Variants in DCHS1 observed in about 807,000 individuals in gnomAD.
DCHS1 encodes the protein dachsous cadherin-related 1.
In DCHS1, 78 loss-of-function variants were observed where a neutral mutation model predicts 213.9. The observed-to-expected ratio is 0.36, with a 90% CI of 0.30 to 0.44. The LOEUF (loss-of-function observed/expected upper bound fraction) is 0.44. Among genes scored for constraint, DCHS1 ranks in the 20% least tolerant of loss-of-function variants. The pLI is 1.00. For synonymous variants in DCHS1, 1,828 were observed against 1,873.7 expected (o/e 0.98, Z 0.63); for missense variants, 3,946 against 4,395.9 (o/e 0.90, Z 2.89).
At position 6,641,314 on chromosome 11, in the gene DCHS1, G is replaced by A. The variant is rs139125506; in HGVS notation, c.300C>T (p.Val100=). The A allele has an allele frequency of 8.2e-5, 133 of 1,613,670 alleles. No individual in the cohort carries two copies. In the African/African-American group the frequency reaches 9.7e-4, roughly 12 times the overall value. The part of the protein sequence containing the change: ...TDLAIDEHSG[V]VRTARVLDRE... ...GGTCCAAGACACGGGCTGTACGGAC[G>A]ACCCCACTGTGTTCGTCAATGGCCA... Residue 100 remains valine, a synonymous_variant, in exon 2 of 21, where the codon GTC becomes GTT. Coordinates refer to ENST00000299441, the MANE Select transcript of DCHS1 (RefSeq NM_003737.4). The surrounding 1 kb of genome is among the most constrained non-coding windows in gnomAD (Gnocchi z 7.1).
chr11:6,638,686 C>A (rs1333952694), intron 2 of DCHS1, among the ~76,000 whole-genome samples: 1 of 152,196 alleles, frequency 6.6e-6, no homozygotes, highest in Non-Finnish European at 1.5e-5. Flanking sequence ...AGACTGTGAC[C>A]ACCCTGGGAA....
At chr11:6,638,079 A>T (rs1820656112) in intron 2 of DCHS1, among the ~76,000 whole-genome samples, 1 of 152,146 alleles carries the variant, frequency 6.6e-6, no homozygotes, top group Non-Finnish European at 1.5e-5. Flanking sequence ...GTCCTGGACA[A>T]GAAGGAGAGT....
intron 2 of DCHS1, among the ~76,000 whole-genome samples, chr11:6,636,937 C>G (rs1460474656): frequency 1.3e-5 from 2 of 152,206 alleles, no homozygotes; most frequent in Non-Finnish European, 2.9e-5. Context: ...ATCCGACCAG[C>G]CCAAAACTAA....
At position 6,625,742 on chromosome 11, in the gene DCHS1, C is replaced by T. The variant is rs1324794127; in HGVS notation, c.6732-15G>A. ...TCAGCACCAACCTGGACACAAAGCA[C>T]AATCATCGGGTGGGACATGGCAATA... On this transcript the variant is annotated splice_polypyrimidine_tract_variant and intron_variant, in intron 17 of 20. Coordinates refer to ENST00000299441, the MANE Select transcript of DCHS1 (RefSeq NM_003737.4). This position sits in a 1 kb window ranked among gnomAD's most constrained non-coding sequence, Gnocchi z 5.3. 4 of 1,600,190 alleles carry T rather than the reference C, an allele frequency of 2.5e-6. No individual in the cohort carries two copies. In the South Asian group the frequency reaches 4.4e-5, roughly 18 times the overall value.
At chr11:6,645,209 G>A (rs576446668) in intron 1 of DCHS1, among the ~76,000 whole-genome samples, 25 of 152,336 alleles carry the variant, frequency 1.6e-4, no homozygotes, top group African/African-American at 5.8e-4. Context: ...CAGAATGCTG[G>A]GGTTGTATGT....
In DCHS1 at chr11:6,623,605, G is replaced by A. The variant is rs752889039; in HGVS notation, c.8071C>T (p.Pro2691Ser). 12 of 1,613,828 alleles carry A rather than the reference G, an allele frequency of 7.4e-6. No individual in the cohort carries two copies. Among genetic ancestry groups the A allele is most frequent in the Non-Finnish European group, 7.6e-6 (9 of 1,179,894 alleles). Residue 2691 changes from proline (P) to serine (S), a missense_variant, in exon 21 of 21, where the codon CCA (proline) becomes TCA (serine). Pro to Ser is a moderately conservative substitution (Grantham distance 74). Coordinates refer to ENST00000299441, the MANE Select transcript of DCHS1 (RefSeq NM_003737.4). The stretch of plus-strand genomic sequence containing the variant: ...ACATCCTGGACCTCAATTGTCACTG[G>A]TGCCAAAGCAAAGTGTGCACCAGCA... Reference protein sequence around the residue: ...DPAGAHFALAPVTIEVQDVND... With the variant: ...DPAGAHFALASVTIEVQDVND...
At chr11:6,647,961 G>A (rs573566463) in intron 1 of DCHS1, among the ~76,000 whole-genome samples, 19 of 152,132 alleles carry the variant, frequency 1.2e-4, no homozygotes, top group Non-Finnish European at 2.4e-4. Context: ...AAGAAGACTT[G>A]GTCACTGACT....
Position 6,630,536 on chromosome 11 carries a change from G to A in DCHS1, c.4258C>T (p.Leu1420=), listed in dbSNP as rs2134626532. ...EGPGGAGARL[L]RVQVQVQDEN... ...TCCTGCACTTGCACCTGCACTCGCA[G>A]CAGCCGCGCGCCCGCGCCTCCCGGC... Residue 1420 remains leucine (L), a synonymous_variant, in exon 10 of 21, where the codon CTG becomes TTG. Transcript: ENST00000299441. 1 of 1,531,402 alleles carries A rather than the reference G, an allele frequency of 6.5e-7. No individual in the cohort carries two copies. The highest frequency in any genetic ancestry group is 1.2e-5 in the South Asian group (1 of 84,174). The allele number at this position is 1,531,402 out of a possible 1,614,324, so 94.9% of individuals were successfully genotyped here. A position where few individuals can be genotyped will look rare whatever the true frequency, so the allele number is the denominator to read the frequency against.
At chr11:6,633,119 G>A (rs1855937819) in intron 5 of DCHS1, 63 bp from the exon 6 acceptor site, 3 of 1,534,010 alleles carry the variant, frequency 2.0e-6, no homozygotes, top group African/African-American at 2.7e-5. Context: ...TCAGGACCCA[G>A]AGTCTGATCC....
In DCHS1 at chr11:6,622,105, G is replaced by A. The variant is rs752605462; in HGVS notation, c.9571C>T (p.Arg3191Trp). ...ATACGGGGAGCTGGGGGACATGGCC[G>A]AGCTTCATCCTTGAGCCGAGCGATC... ...TEIARLKDEA[R>W]PCPPAPRIDP... The change falls in exon 21 of 21, where the codon CGG (arginine) becomes TGG (tryptophan). Residue 3191 changes from arginine to tryptophan, a missense_variant. Arg to Trp is a moderately radical substitution (Grantham distance 101). Transcript: ENST00000299441. The surrounding 1 kb of genome is among the most constrained non-coding windows in gnomAD (Gnocchi z 5.4). 1.1e-5 allele frequency: 18 copies of A among 1,613,078 alleles called. No homozygotes were observed. The highest frequency in any genetic ancestry group is 4.0e-5 in the African/African-American group (3 of 74,900).
At chr11:6,647,086 AGGGGCG>A (rs538810275) in intron 1 of DCHS1, among the ~76,000 whole-genome samples, 1 of 152,254 alleles carries the variant, frequency 6.6e-6, no homozygotes, top group Admixed American at 6.5e-5. Context: ...AGGGGTGAGG[AGGGGCG>A]CCACAAAAGG....
At position 6,621,666 on chromosome 11, in the gene DCHS1, G is replaced by C; in HGVS notation, c.*113C>G. On this transcript the variant is annotated 3_prime_UTR_variant, in exon 21 of 21. Transcript: ENST00000299441. Reference sequence around the variant, plus strand: ...TCAGGGTGGAGAGCTGGGGCCTGGTGGTGGCCTCCCCGTAGCCAGTCATAG... The same window carrying C: ...TCAGGGTGGAGAGCTGGGGCCTGGTCGTGGCCTCCCCGTAGCCAGTCATAG... The C allele has an allele frequency of 8.0e-7, 1 of 1,255,034 alleles. No homozygotes were observed. Among genetic ancestry groups the C allele is most frequent in the Non-Finnish European group, 1.1e-6 (1 of 891,116 alleles). 77.7% of individuals were successfully genotyped at this position (1,255,034 alleles called of 1,614,324 possible). A position where few individuals can be genotyped will look rare whatever the true frequency, so the allele number is the denominator to read the frequency against.
At position 6,621,456 on chromosome 11, in the gene DCHS1, T is replaced by A. The variant is rs1397468606; in HGVS notation, c.*323A>T. ...AAACATGTTGGAGGGACCTCCTCCATCCCCCTACCCCCAATAAATAAAGTC... is the reference window on the plus strand; with the variant it reads ...AAACATGTTGGAGGGACCTCCTCCAACCCCCTACCCCCAATAAATAAAGTC... On this transcript the variant is annotated 3_prime_UTR_variant, in exon 21 of 21. Transcript: ENST00000299441. The A allele has an allele frequency of 4.5e-6, 2 of 440,822 alleles. No homozygotes were observed. The highest frequency in any genetic ancestry group is 8.6e-6 in the Non-Finnish European group (2 of 232,810). The allele number at this position is 440,822 out of a possible 1,614,324, so 27.3% of individuals were successfully genotyped here.
chr11:6,646,799 A>C (rs929433199), intron 1 of DCHS1, among the ~76,000 whole-genome samples: 1 of 152,116 alleles, frequency 6.6e-6, no homozygotes, highest in Non-Finnish European at 1.5e-5. Flanking sequence ...TTGGGGCCTG[A>C]AACGTGATGT....
chr11:6,644,394 A>G (rs1252761787), intron 1 of DCHS1, among the ~76,000 whole-genome samples: 2 of 152,108 alleles, frequency 1.3e-5, no homozygotes, highest in South Asian at 2.1e-4. Context: ...CATGAAATCT[A>G]TTACCATGCT....
At position 6,655,134 on chromosome 11, in the gene DCHS1, G is replaced by C. The variant is rs572166381; in HGVS notation, c.-121+429C>G. Among the ~76,000 whole-genome samples, 18 of 152,216 alleles carry C rather than the reference G, an allele frequency of 1.2e-4. 1 individual carries two copies. The highest frequency in any genetic ancestry group is 4.1e-4 in the African/African-American group (17 of 41,542). ...ATTCTGACACATGGGCTCCCACAGA[G>C]CGGGCAACACACCCTCACAGGGACT... is the stretch of plus-strand genomic sequence containing the variant. On this transcript the variant is annotated intron_variant, in intron 1 of 20. Coordinates refer to ENST00000299441, the MANE Select transcript of DCHS1 (RefSeq NM_003737.4).
At position 6,633,428 on chromosome 11, in the gene DCHS1, C is replaced by T; in HGVS notation, c.2439G>A (p.Gln813=). The T allele has an allele frequency of 6.4e-7, 1 of 1,558,004 alleles. No individual in the cohort carries two copies. The highest frequency in any genetic ancestry group is 8.7e-7 in the Non-Finnish European group (1 of 1,150,240). Residue 813 remains glutamine, a synonymous_variant, in exon 5 of 21, where the codon CAG becomes CAA. Transcript: ENST00000299441. ...AAATGATACCTGGTGGGTTGTGTGC[C>T]TGGACTATGCCCACACTGGTGCCTG... ...VAPGTSVGIV[Q]AHNPPGRLAP...
At position 6,622,860 on chromosome 11, in the gene DCHS1, C is replaced by G; in HGVS notation, c.8816G>C (p.Gly2939Ala). 1 of 1,596,482 alleles carries G rather than the reference C, an allele frequency of 6.3e-7. No individual in the cohort carries two copies. Among genetic ancestry groups the G allele is most frequent in the Non-Finnish European group, 8.5e-7 (1 of 1,171,692 alleles). Residue 2939 changes from glycine (G) to alanine (A), a missense_variant, in exon 21 of 21, where the codon GGG becomes GCG. By Grantham distance (60) the Gly-to-Ala change is moderately conservative. Around this residue, in one of 3 missense-constraint regions of DCHS1, gnomAD observed 554 missense variants for 590.2 expected, o/e 0.94. Coordinates refer to ENST00000299441, the MANE Select transcript of DCHS1 (RefSeq NM_003737.4). This position sits in a 1 kb window ranked among gnomAD's most constrained non-coding sequence, Gnocchi z 5.4. The stretch of plus-strand genomic sequence containing the variant: ...AACTCCCAAGGAGGCTGCCACGGCC[C>G]CTACTAATAGCAGGTTGAGGTCAGG... ...LAPDLNLLLV[G>A]AVAASLGVVV...
In DCHS1 at chr11:6,625,228, A is replaced by G. The variant is rs1488991811; in HGVS notation, c.7116T>C (p.Asn2372=). The G allele has an allele frequency of 6.2e-7, 1 of 1,606,198 alleles. No homozygotes were observed. Among genetic ancestry groups the G allele is most frequent in the East Asian group, 2.2e-5 (1 of 44,796 alleles). The change falls in exon 19 of 21, where the codon AAT becomes AAC. Residue 2372 remains asparagine, a synonymous_variant. Transcript: ENST00000299441. This position sits in a 1 kb window ranked among gnomAD's most constrained non-coding sequence, Gnocchi z 5.3. ...LTVLVEDVND[N]APAFSQSLYQ... ...AGAGGCTCTGTGAGAAGGCAGGTGC[A>G]TTGTCATTGACATCCTCCACAAGCA...
Sources: allele counts gnomAD v4.1 joint callset (sites outside exome capture counted in the v4.1 genomes callset), GRCh38; gene constraint gnomAD v4.1.1; regional missense constraint gnomAD v4.1.1; non-coding constraint Gnocchi (gnomAD v3.1); transcripts MANE v1.5; gene names NCBI Gene and HGNC (gene_info 2026-07-23, HGNC 2026-07-21).